METTL15: variants seen among roughly 807,000 people sequenced by gnomAD.
METTL15 encodes 12S rRNA N(4)-cytidine methyltransferase METTL15.
Under a neutral mutation model 38.3 loss-of-function variants are expected in METTL15, and 34 were observed. The observed-to-expected ratio is 0.89, with a 90% CI of 0.68 to 1.18. The LOEUF is 1.18. Ranked by LOEUF, METTL15 falls within the 50% of genes most tolerant of loss-of-function variation. The probability of loss-of-function intolerance (pLI) is 0.00; values close to 1 mark genes in which losing one functional copy is unlikely to be tolerated. For missense variants in METTL15, 438 were observed against 498.4 expected (o/e 0.88, Z 1.15); for synonymous variants, 162 against 170.9 (o/e 0.95, Z 0.41).
intron 6 of METTL15, among the ~76,000 whole-genome samples, chr11:28,443,218 A>C (rs567028308): frequency 6.6e-6 from 1 of 151,978 alleles, no homozygotes; most frequent in East Asian, 1.9e-4. Context: ...ACCTAGCAGC[A>C]TCTTTTGACA....
chr11:28,209,680 C>G (rs1320438404), intron 3 of METTL15, among the ~76,000 whole-genome samples: 1 of 151,924 alleles, frequency 6.6e-6, no homozygotes, highest in Non-Finnish European at 1.5e-5. Context: ...AGCAGGCTAA[C>G]TTTTATGAGG....
chr11:28,293,831 G>A (rs1856622865), intron 5 of METTL15, among the ~76,000 whole-genome samples: 1 of 152,150 alleles, frequency 6.6e-6, no homozygotes, highest in Admixed American at 6.6e-5. Context: ...GTGAATGGGA[G>A]TTCACTCATG....
intron 6 of METTL15, among the ~76,000 whole-genome samples, chr11:28,299,089 A>T (rs1316816427): frequency 1.3e-5 from 2 of 152,150 alleles, no homozygotes; most frequent in Non-Finnish European, 1.5e-5. Context: ...GAGTTATGAT[A>T]GTATGGTCAA....
chr11:28,135,997 G>A (rs1222317211), intron 3 of METTL15, among the ~76,000 whole-genome samples: 1 of 152,016 alleles, frequency 6.6e-6, no homozygotes, highest in Non-Finnish European at 1.5e-5. Context: ...CTCTATTCCA[G>A]TGTCCCAATC....
intron 3 of METTL15, among the ~76,000 whole-genome samples, chr11:28,191,695 GA>G (rs943315463): frequency 4.0e-4 from 60 of 151,622 alleles, no homozygotes; most frequent in African/African-American, 1.4e-3. Flanking sequence ...AATATTTTAA[GA>G]AGTAACCAAA....
At chr11:28,289,333 G>A (rs1213393188) in intron 4 of METTL15, among the ~76,000 whole-genome samples, 4 of 152,052 alleles carry the variant, frequency 2.6e-5, no homozygotes, top group Non-Finnish European at 4.4e-5. Context: ...TTACTAATGA[G>A]CTGTTGAAGT....
intron 6 of METTL15, among the ~76,000 whole-genome samples, chr11:28,434,950 C>T (rs559887133): frequency 3.9e-5 from 6 of 152,346 alleles, no homozygotes; most frequent in African/African-American, 1.4e-4. Context: ...AGCAAATTTT[C>T]AAGCTTCTGC....
intron 3 of METTL15, among the ~76,000 whole-genome samples, chr11:28,119,781 T>G (rs1256060237): frequency 6.6e-6 from 1 of 152,222 alleles, no homozygotes; most frequent in Non-Finnish European, 1.5e-5. Flanking sequence ...TAAAAATCTT[T>G]GCAATCTTTA....
At chr11:28,393,970 G>T (rs537887253) in intron 5 of METTL15, among the ~76,000 whole-genome samples, 1 of 43,386 alleles carries the variant, frequency 2.3e-5, no homozygotes, top group Non-Finnish European at 5.0e-5. Context: ...TAAAAAATAT[G>T]TATGTGTGTG....
At chr11:28,380,227 G>A (rs1850367452) in intron 5 of METTL15, among the ~76,000 whole-genome samples, 1 of 149,028 alleles carries the variant, frequency 6.7e-6, no homozygotes, top group South Asian at 2.1e-4. Flanking sequence ...GAGTACAGTG[G>A]CACAATCTCG....
intron 6 of METTL15, among the ~76,000 whole-genome samples, chr11:28,428,285 A>G (rs1463361706): frequency 6.6e-6 from 1 of 152,308 alleles, no homozygotes; most frequent in East Asian, 1.9e-4. Context: ...AATGGTAAGT[A>G]TGTGTGTGTC....
chr11:28,111,761 G>A (rs1370230531), intron 2 of METTL15, among the ~76,000 whole-genome samples: 1 of 152,202 alleles, frequency 6.6e-6, no homozygotes, highest in Non-Finnish European at 1.5e-5. Flanking sequence ...GGTAGCGCAT[G>A]TAGTGTGGTT....
At chr11:28,323,552 G>A (rs929510469) in intron 6 of METTL15, among the ~76,000 whole-genome samples, 1 of 152,144 alleles carries the variant, frequency 6.6e-6, no homozygotes, top group African/African-American at 2.4e-5. Context: ...TCTAAGTACA[G>A]GTCAAAGGAC....
chr11:28,341,713 T>A (rs1204411319), intron 3 of METTL15, among the ~76,000 whole-genome samples: 1 of 152,192 alleles, frequency 6.6e-6, no homozygotes, highest in Non-Finnish European at 1.5e-5. Context: ...TACTAGTTTG[T>A]CAAATAGGCT....
At position 28,302,317 on chromosome 11, in the gene METTL15, G is replaced by A. The variant is rs758153931; in HGVS notation, c.778+5386G>A. 4.6e-5 allele frequency among the ~76,000 whole-genome samples: 7 copies of A among 152,176 alleles called. No individual in the cohort carries two copies. In the South Asian group the frequency reaches 8.3e-4, roughly 18 times the overall value. On this transcript the variant is annotated intron_variant, in intron 6 of 6. Transcript: ENST00000407364. ...TTGGATTCAGTAAAATAACTTCAAC[G>A]TTAATTTTAAAAATTGATGTTCAGT... is the stretch of plus-strand genomic sequence containing the variant.
chr11:28,235,996 A>G (rs1208454491), intron 4 of METTL15, among the ~76,000 whole-genome samples: 1 of 151,898 alleles, frequency 6.6e-6, no homozygotes, highest in African/African-American at 2.4e-5. Flanking sequence ...TACCTAATTT[A>G]TTGAGAGTTT....
chr11:28,517,676 G>A (rs192401538), intron 6 of METTL15, among the ~76,000 whole-genome samples: 1 of 152,112 alleles, frequency 6.6e-6, no homozygotes, highest in Non-Finnish European at 1.5e-5. Flanking sequence ...ACTCCTTGCC[G>A]CTCTTTCCAT....
chr11:28,403,515 G>T (rs1247770282), intron 5 of METTL15, among the ~76,000 whole-genome samples: 3 of 152,040 alleles, frequency 2.0e-5, no homozygotes, highest in South Asian at 2.1e-4. Flanking sequence ...CTAGAATAGG[G>T]GTTAATAACT....
At chr11:28,140,153 G>T (rs1849651210) in intron 3 of METTL15, among the ~76,000 whole-genome samples, 1 of 152,202 alleles carries the variant, frequency 6.6e-6, no homozygotes, top group South Asian at 2.1e-4. Flanking sequence ...GGTGTGAGAT[G>T]TGCCTCTAAG....
Sources: allele counts gnomAD v4.1 joint callset (sites outside exome capture counted in the v4.1 genomes callset), GRCh38; gene constraint gnomAD v4.1.1; transcripts MANE v1.5; gene names NCBI Gene and HGNC (gene_info 2026-07-23, HGNC 2026-07-21).